Variants in CHD9 observed in about 807,000 individuals in gnomAD.
The protein encoded by CHD9 is chromodomain helicase DNA binding protein 9.
Under a neutral mutation model 316.1 loss-of-function variants are expected in CHD9, and 77 were observed. The observed-to-expected ratio is 0.24, with a 90% CI of 0.20 to 0.29. The LOEUF (loss-of-function observed/expected upper bound fraction) is 0.29, where lower values mean the gene tolerates loss of function less well. CHD9 is among the 10% of genes least tolerant of loss of function. The probability of loss-of-function intolerance (pLI) is 1.00; values close to 1 mark genes in which losing one functional copy is unlikely to be tolerated. For synonymous variants in CHD9, 1,129 were observed against 1,158.3 expected, an observed-to-expected ratio of 0.97 and a Z score of 0.51; for missense variants, 2,763 against 3,438.1, an observed-to-expected ratio of 0.80 and a Z score of 4.91.
At chr16:53,220,264 G>A (rs12596346) in intron 3 of CHD9, among the ~76,000 whole-genome samples, 34,887 of 152,016 alleles carry the variant, frequency 0.23, 4,501 homozygotes, top group Middle Eastern at 0.32. Flanking sequence ...GAACAGTGGC[G>A]GGTGAGACAC....
At chr16:53,252,316 C>T (rs144031408) in intron 17 of CHD9, among the ~76,000 whole-genome samples, 84 of 152,222 alleles carry the variant, frequency 5.5e-4, no homozygotes, top group East Asian at 2.3e-3. Context: ...ACACGCTATT[C>T]AACAAATGGT....
At chr16:53,318,749 C>T (rs2057062267) in intron 37 of CHD9, among the ~76,000 whole-genome samples, 1 of 152,174 alleles carries the variant, frequency 6.6e-6, no homozygotes, top group South Asian at 2.1e-4. Context: ...TGCTGCTAAA[C>T]CTCCTACAGT....
At chr16:53,219,706 G>T (rs984131359) in intron 3 of CHD9, among the ~76,000 whole-genome samples, 2 of 152,130 alleles carry the variant, frequency 1.3e-5, no homozygotes, top group African/African-American at 4.8e-5. Context: ...AGAAGTTTAG[G>T]CTTTGGAGTG....
intron 1 of CHD9, among the ~76,000 whole-genome samples, chr16:53,069,177 G>A (rs1270835653): frequency 6.6e-6 from 1 of 151,782 alleles, no homozygotes; most frequent in Non-Finnish European, 1.5e-5. Context: ...GCTAATTTTT[G>A]TATTTTTACT....
At chr16:53,228,395 C>T (rs1255555727) in intron 7 of CHD9, among the ~76,000 whole-genome samples, 3 of 151,776 alleles carry the variant, frequency 2.0e-5, no homozygotes, top group African/African-American at 7.3e-5. Context: ...GTCAGACGCA[C>T]ACAATGAGAT....
chr16:53,290,133 G>A (rs1023759699), intron 27 of CHD9, among the ~76,000 whole-genome samples: 1 of 152,132 alleles, frequency 6.6e-6, no homozygotes, highest in Non-Finnish European at 1.5e-5. Flanking sequence ...AATTAGCCAG[G>A]CATGGTGGCA....
At chr16:53,111,764 G>C (rs975373216) in intron 1 of CHD9, among the ~76,000 whole-genome samples, 1 of 152,106 alleles carries the variant, frequency 6.6e-6, no homozygotes, top group South Asian at 2.1e-4. Flanking sequence ...ACTAAAAAAC[G>C]TTCATATGGT....
chr16:53,115,109 TGA>T (rs910303799), intron 1 of CHD9, among the ~76,000 whole-genome samples: 6 of 152,348 alleles, frequency 3.9e-5, no homozygotes, highest in South Asian at 2.1e-4. Context: ...TTTTCTTTCC[TGA>T]GAGGTTGATT....
At chr16:53,247,215 A>G (rs2049712881) in intron 15 of CHD9, 78 bp from the exon 16 acceptor site, 1 of 956,620 alleles carries the variant, frequency 1.0e-6, no homozygotes, top group Non-Finnish European at 1.6e-6. Flanking sequence ...CAGGAGCACT[A>G]ATTGTGATTA....
intron 1 of CHD9, among the ~76,000 whole-genome samples, chr16:53,108,759 C>T (rs922588906): frequency 5.3e-5 from 8 of 151,716 alleles, no homozygotes; most frequent in Non-Finnish European, 1.0e-4. Context: ...CCTGTAATCC[C>T]AGCTACTTGG....
chr16:53,180,718 G>A (rs1042569701), intron 2 of CHD9, among the ~76,000 whole-genome samples: 5 of 151,800 alleles, frequency 3.3e-5, no homozygotes, highest in Admixed American at 6.6e-5. Flanking sequence ...TGTCGCCCAG[G>A]CTGGAGTGCA....
Position 53,090,061 on chromosome 16 carries a change from T to C in CHD9, c.-165+34984T>C, listed in dbSNP as rs2152551295. On this transcript the variant is annotated intron_variant, in intron 1 of 38. Coordinates refer to ENST00000447540, the MANE Select transcript of CHD9 (RefSeq NM_001308319.2). ...GCCAGGATGTGGAGGGAGAGAAGAA[T>C]CCCCCAGTCAAATGAGGATGGTTTG... Among the ~76,000 whole-genome samples the C allele has an allele frequency of 3.3e-5, 5 of 152,174 alleles. No homozygotes were observed. The South Asian group carries it at 1.0e-3, about 32-fold the overall frequency.
intron 1 of CHD9, among the ~76,000 whole-genome samples, chr16:53,138,668 T>C (rs1268940566): frequency 6.6e-6 from 1 of 152,200 alleles, no homozygotes; most frequent in African/African-American, 2.4e-5. Context: ...TAGCTTTTGT[T>C]GTCACTTTGG....
intron 1 of CHD9, among the ~76,000 whole-genome samples, chr16:53,076,790 C>A (rs2152525979): frequency 6.6e-6 from 1 of 151,320 alleles, no homozygotes; most frequent in South Asian, 2.1e-4. Context: ...AAAACAAAAG[C>A]AAATTTTAAT....
chr16:53,312,216 C>T lies in CHD9; in HGVS notation c.7223-2161C>T, dbSNP rs183889306. Among the ~76,000 whole-genome samples the T allele has an allele frequency of 3.1e-3, 469 of 152,242 alleles. 4 individuals are homozygous for T. The highest frequency in any genetic ancestry group is 0.011 in the African/African-American group (443 of 41,548). On this transcript the variant is annotated intron_variant, in intron 34 of 38. Transcript: ENST00000447540. The stretch of plus-strand genomic sequence containing the variant: ...TATTTTTTATGTAGTACAGGGATAG[C>T]ACTAAAGGTAAAGTAAAAGAAATGT...
In CHD9 at chr16:53,240,228, C is replaced by A. The variant is rs573975684; in HGVS notation, c.2877+1642C>A. Among the ~76,000 whole-genome samples, 9 of 152,202 alleles carry A rather than the reference C, an allele frequency of 5.9e-5. No homozygotes were observed. The South Asian group carries it at 1.2e-3, about 21-fold the overall frequency. ...GGTCTAGTGTTTCATTATTCTTACT[C>A]GTACATTTGTAGAATTTTAGAGCTG... On this transcript the variant is annotated intron_variant, in intron 12 of 38. Coordinates refer to ENST00000447540, the MANE Select transcript of CHD9 (RefSeq NM_001308319.2).
chr16:53,290,022 C>A (rs148931457), intron 27 of CHD9, among the ~76,000 whole-genome samples: 209 of 152,142 alleles, frequency 1.4e-3, no homozygotes, highest in Middle Eastern at 3.4e-3. Flanking sequence ...GCCTGTAATC[C>A]CAGCACTTTG....
Position 53,206,547 on chromosome 16 carries a change from A to G in CHD9, c.1453-2935A>G, listed in dbSNP as rs149406795. Among the ~76,000 whole-genome samples, 477 of 152,236 alleles carry G rather than the reference A, an allele frequency of 3.1e-3. 7 individuals carry two copies. The highest frequency in any genetic ancestry group is 0.011 in the African/African-American group (460 of 41,522). On this transcript the variant is annotated intron_variant, in intron 2 of 38. Transcript: ENST00000447540. ...CCCCTTGTCTTTTAATCCCTGCTCCACTATTCAGTAGCTGTGTGATCTTGG... is the reference window on the plus strand; with the variant it reads ...CCCCTTGTCTTTTAATCCCTGCTCCGCTATTCAGTAGCTGTGTGATCTTGG...
At chr16:53,303,182 GTT>G (rs375440655) in intron 30 of CHD9, among the ~76,000 whole-genome samples, 9 of 133,856 alleles carry the variant, frequency 6.7e-5, no homozygotes, top group East Asian at 2.2e-4. Flanking sequence ...AATATTATGA[GTT>G]TTTTTTTTTT....
Sources: allele counts gnomAD v4.1 joint callset (sites outside exome capture counted in the v4.1 genomes callset), GRCh38; gene constraint gnomAD v4.1.1; transcripts MANE v1.5; gene names NCBI Gene and HGNC (gene_info 2026-07-23, HGNC 2026-07-21).